Variants in SHISA6 observed in about 807,000 individuals in gnomAD.
The protein encoded by SHISA6 is protein shisa-6.
A neutral mutation model predicts 47.9 loss-of-function variants in SHISA6; 22 were observed. The ratio of observed to expected loss-of-function variants is 0.46; its 90% CI spans 0.33 to 0.66. SHISA6 has a LOEUF of 0.66. Among genes scored for constraint, SHISA6 ranks in the 30% least tolerant of loss-of-function variants. The pLI, the probability that SHISA6 is intolerant of heterozygous loss-of-function variation, is 0.02. For missense variants in SHISA6, 680 were observed against 764.6 expected (o/e 0.89, Z 1.30); for synonymous variants, 388 against 337.8 (o/e 1.15, Z -1.63).
At chr17:11,389,227 T>C (rs1018347829) in intron 3 of SHISA6, among the ~76,000 whole-genome samples, 1 of 152,134 alleles carries the variant, frequency 6.6e-6, no homozygotes, top group Non-Finnish European at 1.5e-5. Flanking sequence ...CCTGCTACCA[T>C]TGGCCCATGT....
intron 5 of SHISA6, among the ~76,000 whole-genome samples, chr17:11,556,844 C>A (rs1245632167): frequency 2.6e-5 from 4 of 152,116 alleles, no homozygotes; most frequent in Non-Finnish European, 5.9e-5. Flanking sequence ...GTGTAGGAGG[C>A]CTCATTTCTG....
At chr17:11,417,759 T>C (rs1914326767) in intron 3 of SHISA6, among the ~76,000 whole-genome samples, 1 of 152,232 alleles carries the variant, frequency 6.6e-6, no homozygotes, top group South Asian at 2.1e-4. Context: ...TGGAGCCTTA[T>C]TGAAGCAAAG....
chr17:11,515,242 CAA>C (rs754884133), intron 3 of SHISA6, among the ~76,000 whole-genome samples: 7 of 48,408 alleles, frequency 1.4e-4, no homozygotes, highest in East Asian at 6.2e-4. Context: ...GACTCTTTCT[CAA>C]AAAAAAAAAA....
intron 4 of SHISA6, among the ~76,000 whole-genome samples, chr17:11,552,669 A>G (rs2071941464): frequency 6.6e-6 from 1 of 152,240 alleles, no homozygotes; most frequent in Admixed American, 6.5e-5. Context: ...CAAAACAATG[A>G]TAAATCCTAC....
intron 2 of SHISA6, among the ~76,000 whole-genome samples, chr17:11,308,366 A>G (rs773813303): frequency 2.0e-5 from 3 of 152,032 alleles, no homozygotes; most frequent in Non-Finnish European, 4.4e-5. Flanking sequence ...CCTCTGCCCA[A>G]CCCTTCCTCC....
At chr17:11,340,118 C>T (rs1911471810) in intron 2 of SHISA6, among the ~76,000 whole-genome samples, 1 of 152,188 alleles carries the variant, frequency 6.6e-6, no homozygotes, top group Non-Finnish European at 1.5e-5. Flanking sequence ...CACATGAATT[C>T]TCAGTGATCC....
intron 1 of SHISA6, among the ~76,000 whole-genome samples, chr17:11,246,863 AG>A (rs67899065): frequency 0.82 from 124,980 of 152,104 alleles, 52,838 homozygotes; most frequent in South Asian, 0.92. Flanking sequence ...TTGCTTTAGC[AG>A]GGCAACCATG....
chr17:11,441,475 A>G (rs1915090895), intron 3 of SHISA6, among the ~76,000 whole-genome samples: 1 of 152,252 alleles, frequency 6.6e-6, no homozygotes, highest in Non-Finnish European at 1.5e-5. Flanking sequence ...GCTCATCAGT[A>G]GACACACTAG....
At chr17:11,298,787 A>G (rs1471186345) in intron 2 of SHISA6, among the ~76,000 whole-genome samples, 1 of 152,184 alleles carries the variant, frequency 6.6e-6, no homozygotes, top group East Asian at 1.9e-4. Context: ...TGGCCAAACC[A>G]TGTTCCAAGT....
chr17:11,534,295 AC>A (rs2142374012), intron 3 of SHISA6, among the ~76,000 whole-genome samples: 1 of 151,750 alleles, frequency 6.6e-6, no homozygotes, highest in South Asian at 2.1e-4. Context: ...GGCATGAGTC[AC>A]TGCGCCCGGC....
intron 2 of SHISA6, among the ~76,000 whole-genome samples, chr17:11,270,037 G>A (rs1268586997): frequency 6.6e-6 from 1 of 152,150 alleles, no homozygotes; most frequent in Non-Finnish European, 1.5e-5. Flanking sequence ...GTGCAGTGGT[G>A]CAATCTCAGC....
In SHISA6 at chr17:11,450,382, C is replaced by T. The variant is rs150829539; in HGVS notation, c.895+70873C>T. Among the ~76,000 whole-genome samples, 651 of 152,128 alleles carry T rather than the reference C, an allele frequency of 4.3e-3. 5 individuals carry two copies. The highest frequency in any genetic ancestry group is 0.015 in the African/African-American group (622 of 41,508). On this transcript the variant is annotated intron_variant, in intron 3 of 5. Coordinates refer to ENST00000441885, the MANE Select transcript of SHISA6 (RefSeq NM_207386.4). ...TAACAAAGAGTAATCCAAGGTCGGG[C>T]GCAGTGGCTCACGCCTGTAATCCGG... is the stretch of plus-strand genomic sequence containing the variant.
intron 3 of SHISA6, among the ~76,000 whole-genome samples, chr17:11,426,126 C>T (rs768056913): frequency 2.6e-5 from 4 of 152,204 alleles, no homozygotes; most frequent in Admixed American, 6.5e-5. Flanking sequence ...AACAAATGTT[C>T]ACCAACCAGC....
chr17:11,273,804 C>T (rs1452760016), intron 2 of SHISA6, among the ~76,000 whole-genome samples: 1 of 152,236 alleles, frequency 6.6e-6, no homozygotes, highest in Non-Finnish European at 1.5e-5. Context: ...GACTCACTCT[C>T]TCACTGGCTG....
At chr17:11,273,177 C>T (rs1908745731) in intron 2 of SHISA6, among the ~76,000 whole-genome samples, 2 of 152,238 alleles carry the variant, frequency 1.3e-5, no homozygotes, top group Admixed American at 1.3e-4. Context: ...GGATTAGAAG[C>T]TTAACCAAGG....
intron 1 of SHISA6, among the ~76,000 whole-genome samples, chr17:11,260,893 C>A (rs1908209375): frequency 6.6e-6 from 1 of 152,140 alleles, no homozygotes; most frequent in Admixed American, 6.5e-5. Context: ...CTCTCAGATG[C>A]TGGAAGCTGC....
intron 2 of SHISA6, among the ~76,000 whole-genome samples, chr17:11,327,156 G>T (rs372041667): frequency 6.6e-6 from 1 of 152,152 alleles, no homozygotes; most frequent in East Asian, 1.9e-4. Flanking sequence ...CATTTATGGT[G>T]CAGAGTCAGA....
At chr17:11,324,312 G>T (rs1910804952) in intron 2 of SHISA6, among the ~76,000 whole-genome samples, 1 of 152,192 alleles carries the variant, frequency 6.6e-6, no homozygotes, top group African/African-American at 2.4e-5. Flanking sequence ...ACAGCATTTA[G>T]AAGGAAAATT....
intron 3 of SHISA6, among the ~76,000 whole-genome samples, chr17:11,382,320 C>G (rs1481933722): frequency 1.3e-5 from 2 of 152,122 alleles, no homozygotes; most frequent in Admixed American, 1.3e-4. Flanking sequence ...CTCAAGTGAT[C>G]CTTCCACCTT....
Sources: allele counts gnomAD v4.1 joint callset (sites outside exome capture counted in the v4.1 genomes callset), GRCh38; gene constraint gnomAD v4.1.1; transcripts MANE v1.5; gene names NCBI Gene and HGNC (gene_info 2026-07-23, HGNC 2026-07-21).